Variants in TTC7B observed in about 807,000 individuals in gnomAD.
TTC7B encodes the protein tetratricopeptide repeat protein 7B.
TTC7B carries 28 observed loss-of-function variants against 106.8 expected under a neutral mutation model. The ratio of observed to expected loss-of-function variants is 0.26; its 90% CI spans 0.19 to 0.36. The LOEUF (loss-of-function observed/expected upper bound fraction) is 0.36, where lower values mean the gene tolerates loss of function less well. Among genes scored for constraint, TTC7B ranks in the 10% least tolerant of loss-of-function variants. The pLI is 1.00. For synonymous variants in TTC7B, 405 were observed against 430.6 expected (o/e 0.94, Z 0.74); for missense variants, 862 against 1,076.4 (o/e 0.80, Z 2.79).
At chr14:90,723,745 A>C (rs1888982903) in intron 5 of TTC7B, among the ~76,000 whole-genome samples, 1 of 152,014 alleles carries the variant, frequency 6.6e-6, no homozygotes, top group African/African-American at 2.4e-5. Flanking sequence ...ACTTCCTAGC[A>C]CCTATTCCAA....
chr14:90,608,068 CTGTGTTGTGGG>C lies in TTC7B; in HGVS notation c.1966+2663_1966+2673del, dbSNP rs755542830. Among the ~76,000 whole-genome samples the C allele has an allele frequency of 1.3e-5, 2 of 151,910 alleles. No individual in the cohort carries two copies. Among genetic ancestry groups the C allele is most frequent in the Non-Finnish European group, 2.9e-5 (2 of 67,986 alleles). ...AAATCAAGGTGAGGGAATAAACAAT[CTGTGTTGTGGG>C]TGGTTCGCAAGGCGGGCTCTCCACA... On this transcript the variant is annotated intron_variant, in intron 17 of 19. Transcript: ENST00000328459. The surrounding 1 kb of genome is among the most constrained non-coding windows in gnomAD (Gnocchi z 5.1).
chr14:90,778,287 G>A (rs1485480622), intron 3 of TTC7B, among the ~76,000 whole-genome samples: 1 of 152,198 alleles, frequency 6.6e-6, no homozygotes, highest in Non-Finnish European at 1.5e-5. Flanking sequence ...CAACCTCATG[G>A]GCGGGGTGAC....
chr14:90,604,769 A>T (rs1892570478), intron 17 of TTC7B, among the ~76,000 whole-genome samples: 1 of 152,194 alleles, frequency 6.6e-6, no homozygotes, highest in African/African-American at 2.4e-5. Flanking sequence ...TAAGGGTTTT[A>T]CCAACCAGTG....
chr14:90,661,420 G>A (rs761219622), intron 9 of TTC7B, among the ~76,000 whole-genome samples: 3 of 152,156 alleles, frequency 2.0e-5, no homozygotes, highest in South Asian at 2.1e-4. Context: ...ACAGGGTGGC[G>A]GGAGAGACGT....
At chr14:90,655,342 C>T (rs896534862) in intron 11 of TTC7B, among the ~76,000 whole-genome samples, 2 of 152,152 alleles carry the variant, frequency 1.3e-5, no homozygotes, top group Admixed American at 6.5e-5. Context: ...TATTTGCCTT[C>T]TTTTCCAAAG....
At chr14:90,815,993 C>A (rs901987555) in intron 1 of TTC7B, among the ~76,000 whole-genome samples, 182 bp downstream of exon 1, 1 of 151,296 alleles carries the variant, frequency 6.6e-6, no homozygotes, top group Admixed American at 6.6e-5. Flanking sequence ...CCCCACACCG[C>A]GTGACTCCGG....
chr14:90,726,006 C>T (rs1438056978), intron 5 of TTC7B, among the ~76,000 whole-genome samples: 2 of 152,188 alleles, frequency 1.3e-5, no homozygotes, highest in African/African-American at 4.8e-5. Flanking sequence ...TTTGGGAGGC[C>T]AAGGCAGGAG....
intron 15 of TTC7B, among the ~76,000 whole-genome samples, chr14:90,632,535 G>C (rs921208592): frequency 2.0e-5 from 3 of 152,152 alleles, no homozygotes; most frequent in Non-Finnish European, 4.4e-5. Flanking sequence ...GGTTAACAGG[G>C]GAGATAGCAT....
At chr14:90,658,076 T>C (rs1038780220) in intron 10 of TTC7B, 10 of 545,142 alleles carry the variant, frequency 1.8e-5, no homozygotes, top group Non-Finnish European at 3.0e-5. Context: ...GAAGTCACAA[T>C]GACTGGAAAA....
rs763015044 is a variant in TTC7B at position 90,676,469 on chromosome 14, C to T, written c.1152+54G>A. The T allele has an allele frequency of 3.2e-5, 51 of 1,595,648 alleles. 1 individual carries two copies. The Middle Eastern group carries it at 1.5e-3, about 47-fold the overall frequency. ...AGGTCTCACAGCGCTTCCCTGGGGT[C>T]ACCGTGCAACTGCCACCCACCACCT... On this transcript the variant is annotated intron_variant, in intron 9 of 19. Transcript: ENST00000328459.
intron 19 of TTC7B, among the ~76,000 whole-genome samples, chr14:90,542,242 C>A (rs1013611610): frequency 1.3e-5 from 2 of 152,132 alleles, no homozygotes; most frequent in Admixed American, 6.5e-5. Flanking sequence ...CCTGGCCTGT[C>A]GTCTTTTTTT....
At chr14:90,717,984 CT>C (rs1438447557) in intron 5 of TTC7B, among the ~76,000 whole-genome samples, 4 of 152,238 alleles carry the variant, frequency 2.6e-5, no homozygotes, top group Non-Finnish European at 5.9e-5. Flanking sequence ...ACTTGGCTTC[CT>C]TCTTGACCAG....
Position 90,720,954 on chromosome 14 carries a change from G to A in TTC7B, c.698+9121C>T, listed in dbSNP as rs115331194. Among the ~76,000 whole-genome samples the A allele has an allele frequency of 3.0e-3, 452 of 152,098 alleles. 4 individuals are homozygous for A. Among genetic ancestry groups the A allele is most frequent in the African/African-American group, 0.01 (420 of 41,488 alleles). On this transcript the variant is annotated intron_variant, in intron 5 of 19. Coordinates refer to ENST00000328459, the MANE Select transcript of TTC7B (RefSeq NM_001010854.2). ...TGTGAATGGATAAACAAACAAGCAC[G>A]GAATCTATTCCTCCACTCCTGCTCC... is the stretch of plus-strand genomic sequence containing the variant.
Position 90,816,408 on chromosome 14 carries a change from G to C in TTC7B, c.-113C>G. 1.9e-6 allele frequency: 1 copy of C among 537,774 alleles called. No individual in the cohort carries two copies. The highest frequency in any genetic ancestry group is 2.4e-6 in the Non-Finnish European group (1 of 425,192). 33.3% of individuals were successfully genotyped at this position (537,774 alleles called of 1,614,324 possible). On this transcript the variant is annotated 5_prime_UTR_variant, in exon 1 of 20. Transcript: ENST00000328459. ...GGCTCGGGCTCCGGCTCCCGGCTCC[G>C]CGGCGTAACGGGAGCGCCGGCTGGG...
At chr14:90,706,325 G>C (rs1888210959) in intron 5 of TTC7B, among the ~76,000 whole-genome samples, 1 of 152,006 alleles carries the variant, frequency 6.6e-6, no homozygotes, top group Admixed American at 6.6e-5. Flanking sequence ...ACCACACCTG[G>C]CTAATTTTTT....
intron 9 of TTC7B, among the ~76,000 whole-genome samples, chr14:90,668,717 C>A (rs1886510807): frequency 6.6e-6 from 1 of 151,542 alleles, no homozygotes; most frequent in Non-Finnish European, 1.5e-5. Context: ...TGTAAAGTAG[C>A]AGAACTGAGA....
intron 15 of TTC7B, among the ~76,000 whole-genome samples, chr14:90,619,144 C>T (rs971774246): frequency 6.6e-6 from 1 of 152,208 alleles, no homozygotes; most frequent in East Asian, 1.9e-4. Context: ...CCTCGTGATC[C>T]TCCCAAAGTG....
chr14:90,799,961 C>T (rs1468193001), intron 1 of TTC7B, among the ~76,000 whole-genome samples: 1 of 152,112 alleles, frequency 6.6e-6, no homozygotes, highest in East Asian at 1.9e-4. Context: ...TCCCGAGTAG[C>T]TGGGACTACT....
chr14:90,688,221 G>A (rs1887321930), intron 7 of TTC7B, among the ~76,000 whole-genome samples: 1 of 152,234 alleles, frequency 6.6e-6, no homozygotes. Context: ...CCAGAGTGGT[G>A]GCTCATGCCT....
Sources: allele counts gnomAD v4.1 joint callset (sites outside exome capture counted in the v4.1 genomes callset), GRCh38; gene constraint gnomAD v4.1.1; non-coding constraint Gnocchi (gnomAD v3.1); transcripts MANE v1.5; gene names NCBI Gene and HGNC (gene_info 2026-07-23, HGNC 2026-07-21).